POM121: variants seen among roughly 807,000 people sequenced by gnomAD.
POM121 encodes the protein POM121 transmembrane nucleoporin.
A neutral mutation model predicts 81.3 loss-of-function variants in POM121; 32 were observed. The ratio of observed to expected loss-of-function variants is 0.39; its 90% CI spans 0.30 to 0.53. The LOEUF is 0.53. POM121 is among the 20% of genes least tolerant of loss of function. The probability of loss-of-function intolerance (pLI) is 0.66; values close to 1 mark genes in which losing one functional copy is unlikely to be tolerated. For missense variants in POM121, 1,138 were observed against 1,614.6 expected, an observed-to-expected ratio of 0.70 and a Z score of 5.06; for synonymous variants, 514 against 694.2, an observed-to-expected ratio of 0.74 and a Z score of 4.08.
chr7:72,920,088 T>C (rs1421615827), intron 4 of POM121, among the ~76,000 whole-genome samples: 7 of 152,200 alleles, frequency 4.6e-5, no homozygotes, highest in African/African-American at 1.4e-4. Context: ...TCATTATGTT[T>C]GGAAAATGTT....
In POM121 at chr7:72,925,680, C is replaced by A; in HGVS notation, c.559C>A (p.Pro187Thr). ...PRSPPPRSPPPSPPTHRAHHV... is the reference protein window; with the variant it reads ...PRSPPPRSPPTSPPTHRAHHV... ...CTCCCCACCGCCGCGCTCCCCCCCGCCCTCCCCGCCGACCCATCGCGCTCA... is the reference window on the plus strand; with the variant it reads ...CTCCCCACCGCCGCGCTCCCCCCCGACCTCCCCGCCGACCCATCGCGCTCA... The change falls in exon 1 of 13, where the codon CCC (proline) becomes ACC (threonine). Residue 187 changes from proline to threonine, a missense_variant. By Grantham distance (38) the Pro-to-Thr change is conservative. Transcript: ENST00000434423. 3 of 1,235,082 alleles carry A rather than the reference C, an allele frequency of 2.4e-6. No individual in the cohort carries two copies. The highest frequency in any genetic ancestry group is 3.0e-6 in the Non-Finnish European group (3 of 991,170). 76.5% of individuals were successfully genotyped at this position (1,235,082 alleles called of 1,614,324 possible). A position where few individuals can be genotyped will look rare whatever the true frequency, so the allele number is the denominator to read the frequency against.
At chr7:72,897,579 C>G (rs1336539806) in intron 3 of POM121, among the ~76,000 whole-genome samples, 2 of 152,182 alleles carry the variant, frequency 1.3e-5, no homozygotes, top group Non-Finnish European at 2.9e-5. Context: ...AAAGATCTCT[C>G]TGGCCTCTCT....
intron 3 of POM121, among the ~76,000 whole-genome samples, chr7:72,896,956 C>T (rs1426406614): frequency 2.0e-5 from 3 of 152,252 alleles, no homozygotes; most frequent in African/African-American, 7.2e-5. Flanking sequence ...CGTGGTGGCT[C>T]ATGCCTGTAA....
chr7:72,896,883 C>T (rs1792013618), intron 3 of POM121, among the ~76,000 whole-genome samples: 1 of 152,284 alleles, frequency 6.6e-6, no homozygotes, highest in Non-Finnish European at 1.5e-5. Context: ...ACACGTTACC[C>T]TAATAATTAT....
downstream of POM121, chr7:72,949,312 C>T: frequency 1.2e-6 from 1 of 815,996 alleles, no homozygotes; most frequent in South Asian, 1.3e-5. Flanking sequence ...CACCATCTCA[C>T]CCGAGCCACT....
At chr7:72,920,758 T>C (rs1490100695), upstream of POM121, among the ~76,000 whole-genome samples, 2 of 152,194 alleles carry the variant, frequency 1.3e-5, no homozygotes, top group Admixed American at 1.3e-4. Flanking sequence ...ATTCATTAGG[T>C]GGGTCCAGAG....
chr7:72,928,147 T>G (rs1795649115), intron 3 of POM121, among the ~76,000 whole-genome samples: 1 of 152,110 alleles, frequency 6.6e-6, no homozygotes, highest in Admixed American at 6.5e-5. Context: ...CAGAGGTTTG[T>G]TGCAGTGAGC....
Position 72,942,171 on chromosome 7 carries a change from C to A in POM121, c.2178C>A (p.Pro726=). 1 of 1,609,438 alleles carries A rather than the reference C, an allele frequency of 6.2e-7. No homozygotes were observed. Among genetic ancestry groups the A allele is most frequent in the Non-Finnish European group, 8.5e-7 (1 of 1,179,844 alleles). ...CCCCTGCTGCATCTTCAGCACCTCC[C>A]ATGTTCAAGCCCATTTTCACGGCTC... ...PAAPAASSAP[P]MFKPIFTAPP... is the part of the protein sequence containing the mutation. The change falls in exon 11 of 13, where the codon CCC becomes CCA. Residue 726 remains proline (P), a synonymous_variant. Coordinates refer to ENST00000434423, the MANE Select transcript of POM121 (RefSeq NM_001387691.1).
Position 72,937,829 on chromosome 7 carries a change from G to GAAAGATGTA in POM121, c.1276-761_1276-760insAAAGATGTA, listed in dbSNP as rs1563164618. On this transcript the variant is annotated intron_variant, in intron 5 of 12. Transcript: ENST00000434423. The stretch of plus-strand genomic sequence containing the variant: ...GTCTTTGCTGTCAAGAACTCACCTG[G>GAAAGATGTA]TGGAAGAGGCAGATGTATGGATAAT... Among the ~76,000 whole-genome samples the GAAAGATGTA allele has an allele frequency of 8.9e-3, 1,362 of 152,336 alleles. 19 individuals are homozygous for GAAAGATGTA. The highest frequency in any genetic ancestry group is 0.032 in the African/African-American group (1,311 of 41,564).
At chr7:72,889,051 T>C (rs1157993462) in intron 1 of POM121, among the ~76,000 whole-genome samples, 1 of 152,186 alleles carries the variant, frequency 6.6e-6, no homozygotes, top group Admixed American at 6.6e-5. Context: ...GGATTTTGTT[T>C]GGTTATGTTT....
intron 3 of POM121, among the ~76,000 whole-genome samples, chr7:72,892,251 A>C (rs372593748): frequency 6.6e-6 from 1 of 152,204 alleles, no homozygotes; most frequent in Non-Finnish European, 1.5e-5. Context: ...CTTGCCTCCA[A>C]ATTGATATGT....
In POM121 at chr7:72,926,923, G is replaced by A. The variant is rs1342475666; in HGVS notation, c.982G>A (p.Glu328Lys). The A allele has an allele frequency of 6.2e-6, 10 of 1,613,882 alleles. No individual in the cohort carries two copies. The highest frequency in any genetic ancestry group is 8.5e-6 in the Non-Finnish European group (10 of 1,179,876). Reference sequence around the variant, plus strand: ...GGAGAAGAAAAGGACAGTGGAGGAAGAAGACCAAATATTCCTTGATGGCCA... The same window carrying A: ...GGAGAAGAAAAGGACAGTGGAGGAAAAAGACCAAATATTCCTTGATGGCCA... ...EKEKKRTVEE[E>K]DQIFLDGQEN... is the part of the protein sequence containing the mutation. The change falls in exon 3 of 13, where the codon GAA becomes AAA. Residue 328 changes from glutamate (E) to lysine (K), a missense_variant. Physicochemically the swap from Glu to Lys is moderately conservative, Grantham distance 56. Around this residue, in one of 7 missense-constraint regions of POM121, gnomAD observed 646 missense variants for 633.5 expected, o/e 1.02. Transcript: ENST00000434423.
At chr7:72,948,668 G>T (rs2353055), downstream of POM121, 1 of 1,604,798 alleles carries the variant, frequency 6.2e-7, no homozygotes, top group African/African-American at 1.3e-5. Flanking sequence ...ACTCACTCAC[G>T]TCGGCATCTC....
chr7:72,888,134 G>A (rs1554490341), intron 1 of POM121, among the ~76,000 whole-genome samples: 1 of 152,094 alleles, frequency 6.6e-6, no homozygotes, highest in Non-Finnish European at 1.5e-5. Context: ...AGAGTGCTGG[G>A]ATTACAGGCA....
At chr7:72,934,737 T>G (rs1306536699) in intron 5 of POM121, among the ~76,000 whole-genome samples, 7 of 152,208 alleles carry the variant, frequency 4.6e-5, no homozygotes, top group Admixed American at 2.6e-4. Context: ...TGTTGTTGTT[T>G]TTTACTGTAG....
chr7:72,909,263 A>G (rs782743787), intron 3 of POM121, among the ~76,000 whole-genome samples: 34 of 152,136 alleles, frequency 2.2e-4, no homozygotes, highest in Non-Finnish European at 4.3e-4. Flanking sequence ...TTCTTGGGCC[A>G]TTTATAAGAT....
intron 3 of POM121, among the ~76,000 whole-genome samples, chr7:72,905,132 T>G (rs1302415774): frequency 6.6e-6 from 1 of 152,196 alleles, no homozygotes; most frequent in Non-Finnish European, 1.5e-5. Context: ...CAGTTTTGCT[T>G]GGTTTATCAA....
intron 3 of POM121, among the ~76,000 whole-genome samples, chr7:72,892,775 C>T (rs1460509796): frequency 6.6e-6 from 1 of 151,630 alleles, no homozygotes; most frequent in African/African-American, 2.4e-5. Context: ...AAGCGATTCT[C>T]CTGCCTCAGC....
At chr7:72,894,243 C>T (rs1317165991) in intron 3 of POM121, among the ~76,000 whole-genome samples, 3 of 151,528 alleles carry the variant, frequency 2.0e-5, no homozygotes, top group Admixed American at 1.3e-4. Flanking sequence ...GGTGCAGAGC[C>T]TGGGCGACAG....
Sources: allele counts gnomAD v4.1 joint callset (sites outside exome capture counted in the v4.1 genomes callset), GRCh38; gene constraint gnomAD v4.1.1; regional missense constraint gnomAD v4.1.1; transcripts MANE v1.5; gene names NCBI Gene and HGNC (gene_info 2026-07-23, HGNC 2026-07-21).